SLC4A7: variants seen among roughly 807,000 people sequenced by gnomAD.
The protein encoded by SLC4A7 is sodium bicarbonate cotransporter 3.
In SLC4A7, 51 loss-of-function variants were observed where a neutral mutation model predicts 137.6. The observed-to-expected ratio is 0.37, with a 90% CI of 0.30 to 0.47. The LOEUF is 0.47. Among genes scored for constraint, SLC4A7 ranks in the 20% least tolerant of loss-of-function variants. The probability of loss-of-function intolerance (pLI) is 1.00; values close to 1 mark genes in which losing one functional copy is unlikely to be tolerated. For synonymous variants in SLC4A7, 542 were observed against 518.6 expected, an observed-to-expected ratio of 1.05 and a Z score of -0.61; for missense variants, 1,247 against 1,525.4, an observed-to-expected ratio of 0.82 and a Z score of 3.04.
chr3:27,481,788 A>T (rs1257735333), intron 1 of SLC4A7, among the ~76,000 whole-genome samples: 1 of 152,164 alleles, frequency 6.6e-6, no homozygotes, highest in Non-Finnish European at 1.5e-5. Context: ...CATTAACAGC[A>T]GTGTTTAATA....
chr3:27,423,480 A>G lies in SLC4A7; in HGVS notation c.1266+557T>C, dbSNP rs192700056. On this transcript the variant is annotated intron_variant, in intron 8 of 25. Transcript: ENST00000454389. ...TAAATTAAGGTTTATCTATTTCAACAAAATACTCATTTACCAAAATAAAAA... is the reference window on the plus strand; with the variant it reads ...TAAATTAAGGTTTATCTATTTCAACGAAATACTCATTTACCAAAATAAAAA... Among the ~76,000 whole-genome samples, 438 of 152,352 alleles carry G rather than the reference A, an allele frequency of 2.9e-3. 1 individual carries two copies. Among genetic ancestry groups the G allele is most frequent in the Non-Finnish European group, 5.3e-3 (360 of 68,034 alleles).
intron 1 of SLC4A7, 64 bp from the exon 2 acceptor site, chr3:27,452,562 T>A: frequency 9.9e-7 from 1 of 1,012,984 alleles, no homozygotes; most frequent in Non-Finnish European, 1.4e-6. Context: ...ATTATATGCA[T>A]CCTTTGAAAT....
At chr3:27,478,861 G>C (rs1186142628) in intron 1 of SLC4A7, among the ~76,000 whole-genome samples, 2 of 151,030 alleles carry the variant, frequency 1.3e-5, no homozygotes, top group Non-Finnish European at 3.0e-5. Context: ...GAGAGAGAGG[G>C]GGGCGTGGTG....
At chr3:27,402,758 TA>T (rs1447237290) in intron 15 of SLC4A7, among the ~76,000 whole-genome samples, 2 of 142,148 alleles carry the variant, frequency 1.4e-5, no homozygotes, top group South Asian at 2.1e-4. Context: ...GAAAAATATA[TA>T]AAAAAAAGTC....
Position 27,394,196 on chromosome 3 carries a change from T to A in SLC4A7, c.3117+322A>T, listed in dbSNP as rs2051898672. 3.3e-5 allele frequency among the ~76,000 whole-genome samples: 5 copies of A among 150,140 alleles called. No homozygotes were observed. In the South Asian group the frequency reaches 1.1e-3, roughly 32 times the overall value. On this transcript the variant is annotated intron_variant, in intron 20 of 25. Coordinates refer to ENST00000454389, the MANE Select transcript of SLC4A7 (RefSeq NM_001321103.2). ...ACCATACCTGGCTAATTATTTTTAT[T>A]TTTATAGAGACAGGGTCTCATTATG...
chr3:27,402,859 C>A (rs1240698471), intron 15 of SLC4A7, among the ~76,000 whole-genome samples: 2 of 103,228 alleles, frequency 1.9e-5, no homozygotes, highest in East Asian at 2.2e-4. Flanking sequence ...AGTTGCCAAT[C>A]AAATTTAAAC....
At chr3:27,415,405 G>A (rs148773871) in intron 11 of SLC4A7, among the ~76,000 whole-genome samples, 156 of 152,252 alleles carry the variant, frequency 1.0e-3, no homozygotes, top group African/African-American at 3.7e-3. Context: ...TATAGAGAAG[G>A]GTAGTCAAGA....
intron 8 of SLC4A7, chr3:27,422,812 C>G (rs1392892805): frequency 2.0e-5 from 9 of 456,068 alleles, no homozygotes; most frequent in Non-Finnish European, 3.5e-5. Context: ...ACCCAGTGTG[C>G]CACAACTACA....
At chr3:27,451,394 A>G (rs1246328918) in intron 2 of SLC4A7, among the ~76,000 whole-genome samples, 1 of 152,088 alleles carries the variant, frequency 6.6e-6, no homozygotes, top group African/African-American at 2.4e-5. Context: ...ATCATCAATA[A>G]TAAGTCATGT....
At chr3:27,415,392 C>T (rs187204707) in intron 11 of SLC4A7, among the ~76,000 whole-genome samples, 7 of 152,302 alleles carry the variant, frequency 4.6e-5, no homozygotes, top group Non-Finnish European at 8.8e-5. Context: ...GCATTAGCAG[C>T]TTTATAGAGA....
chr3:27,435,338 C>T (rs1431051473), intron 5 of SLC4A7, among the ~76,000 whole-genome samples: 2 of 152,110 alleles, frequency 1.3e-5, no homozygotes, highest in East Asian at 1.9e-4. Flanking sequence ...AAATCTCCCC[C>T]TTTCATTTTC....
intron 1 of SLC4A7, among the ~76,000 whole-genome samples, chr3:27,473,562 G>T (rs112370187): frequency 0.011 from 1,620 of 151,822 alleles, 10 homozygotes; most frequent in South Asian, 0.02. Flanking sequence ...CAAAAAATTA[G>T]CCAAGTGTGG....
At chr3:27,461,208 GCACACA>G (rs57056562) in intron 1 of SLC4A7, among the ~76,000 whole-genome samples, 43,669 of 149,830 alleles carry the variant, frequency 0.29, 7,973 homozygotes, top group East Asian at 0.73. Context: ...CATCCAATTA[GCACACA>G]CACACACACA....
intron 11 of SLC4A7, 116 bp from the exon 12 acceptor site, chr3:27,411,864 C>T (rs2053934284): frequency 2.3e-6 from 1 of 428,554 alleles, no homozygotes; most frequent in African/African-American, 2.1e-5. Flanking sequence ...ATCAGTTCTC[C>T]TAGAAAAGAA....
intron 1 of SLC4A7, among the ~76,000 whole-genome samples, chr3:27,476,993 C>T (rs2150737973): frequency 6.6e-6 from 1 of 152,312 alleles, no homozygotes; most frequent in Non-Finnish European, 1.5e-5. Flanking sequence ...ATCAGGGAAT[C>T]TGGAGGCAGA....
intron 1 of SLC4A7, among the ~76,000 whole-genome samples, chr3:27,475,965 G>C (rs1278894037): frequency 6.6e-6 from 1 of 152,030 alleles, no homozygotes; most frequent in Non-Finnish European, 1.5e-5. Context: ...CAGATGAACA[G>C]AAAGAAATTA....
At chr3:27,440,427 A>G (rs902105391) in intron 3 of SLC4A7, among the ~76,000 whole-genome samples, 1 of 151,694 alleles carries the variant, frequency 6.6e-6, no homozygotes, top group Non-Finnish European at 1.5e-5. Context: ...TAATATTCCC[A>G]CTCCAAAATT....
chr3:27,398,438 G>A, intron 16 of SLC4A7, 85 bp from the exon 17 acceptor site: 2 of 1,181,722 alleles, frequency 1.7e-6, no homozygotes, highest in Non-Finnish European at 1.2e-6. Flanking sequence ...CTCGTAAGAT[G>A]CAACTGATTG....
intron 7 of SLC4A7, among the ~76,000 whole-genome samples, chr3:27,424,939 A>C (rs973144301): frequency 1.3e-5 from 2 of 152,268 alleles, no homozygotes; most frequent in Non-Finnish European, 2.9e-5. Context: ...AAGGACAGAC[A>C]CATATTGAAG....
Sources: gnomAD v4.1 joint callset for allele counts (sites outside exome capture counted in the v4.1 genomes callset) on GRCh38, gnomAD v4.1.1 for gene constraint, MANE v1.5 for transcripts, NCBI Gene and HGNC (gene_info 2026-07-23, HGNC 2026-07-21) for gene names.